Variants in CEP85L observed in about 807,000 individuals in gnomAD.
The protein encoded by CEP85L is centrosomal protein 85L.
In CEP85L, 60 loss-of-function variants were observed where a neutral mutation model predicts 100.3. The observed-to-expected ratio is 0.60, with a 90% CI of 0.49 to 0.74. The LOEUF (loss-of-function observed/expected upper bound fraction) is 0.74, where lower values mean the gene tolerates loss of function less well. CEP85L is among the 30% of genes least tolerant of loss of function. CEP85L has a pLI of 0.00. For missense variants in CEP85L, 973 were observed against 936.2 expected, an observed-to-expected ratio of 1.04 and a Z score of -0.51; for synonymous variants, 319 against 322.7, an observed-to-expected ratio of 0.99 and a Z score of 0.12.
chr6:118,641,688 G>T (rs1219732267), intron 1 of CEP85L, among the ~76,000 whole-genome samples: 17 of 152,072 alleles, frequency 1.1e-4, no homozygotes. Context: ...TCACAAAATG[G>T]ATTTGTGGCT....
chr6:118,566,497 A>C (rs997092437), intron 2 of CEP85L, among the ~76,000 whole-genome samples, 181 bp from the exon 3 acceptor site: 3 of 152,062 alleles, frequency 2.0e-5, no homozygotes, highest in Non-Finnish European at 2.9e-5. Context: ...GGCTCACCGC[A>C]ATCTCTGCCT....
chr6:118,565,360 G>T (rs1361307865), intron 3 of CEP85L, 169 bp downstream of exon 3: 1 of 649,762 alleles, frequency 1.5e-6, no homozygotes, highest in Non-Finnish European at 2.6e-6. Flanking sequence ...CAAATGCTTT[G>T]CAAGTTTATC....
intron 1 of CEP85L, among the ~76,000 whole-genome samples, chr6:118,679,670 G>C (rs1776589655): frequency 1.3e-5 from 2 of 152,088 alleles, no homozygotes; most frequent in Non-Finnish European, 2.9e-5. Flanking sequence ...ATGTTCGGTG[G>C]GCCTATAGGA....
At chr6:118,524,466 A>T (rs769734336) in intron 3 of CEP85L, among the ~76,000 whole-genome samples, 3 of 151,722 alleles carry the variant, frequency 2.0e-5, no homozygotes. Flanking sequence ...AACAAACAAA[A>T]CCATATAAGA....
At chr6:118,549,839 T>C (rs536522757) in intron 3 of CEP85L, among the ~76,000 whole-genome samples, 139 of 152,030 alleles carry the variant, frequency 9.1e-4, no homozygotes, top group African/African-American at 3.3e-3. Flanking sequence ...CACATACTTC[T>C]GGATAGAGCA....
chr6:118,469,418 T>G, intron 11 of CEP85L, 115 bp from the exon 12 acceptor site: 1 of 724,128 alleles, frequency 1.4e-6, no homozygotes, highest in Non-Finnish European at 2.3e-6. Flanking sequence ...AGTCATATTA[T>G]ATGCACATTA....
chr6:118,514,122 T>C (rs1776127978), intron 4 of CEP85L, among the ~76,000 whole-genome samples: 1 of 152,078 alleles, frequency 6.6e-6, no homozygotes, highest in African/African-American at 2.4e-5. Flanking sequence ...ATTATAACAA[T>C]AGAGGTATAG....
At chr6:118,694,373 G>T (rs1777138555) in intron 1 of CEP85L, among the ~76,000 whole-genome samples, 2 of 151,864 alleles carry the variant, frequency 1.3e-5, no homozygotes, top group Non-Finnish European at 2.9e-5. Flanking sequence ...AAAAATAAAA[G>T]GAAAATTAGT....
At chr6:118,646,034 C>T (rs367760249) in intron 1 of CEP85L, among the ~76,000 whole-genome samples, 19 of 152,150 alleles carry the variant, frequency 1.2e-4, no homozygotes, top group African/African-American at 4.6e-4. Context: ...CTGGCCAATA[C>T]TGTGAAATCC....
At chr6:118,584,961 T>C (rs1341232017) in intron 2 of CEP85L, among the ~76,000 whole-genome samples, 1 of 152,196 alleles carries the variant, frequency 6.6e-6, no homozygotes, top group Admixed American at 6.5e-5. Context: ...AATCTGAGCA[T>C]GACTATGAAC....
At chr6:118,646,390 T>G (rs1429441763) in intron 1 of CEP85L, among the ~76,000 whole-genome samples, 2 of 151,914 alleles carry the variant, frequency 1.3e-5, no homozygotes, top group African/African-American at 2.4e-5. Flanking sequence ...AAAAATTGGC[T>G]GGGTGCAGTG....
At chr6:118,515,981 T>C (rs1009601954) in intron 4 of CEP85L, among the ~76,000 whole-genome samples, 2 of 152,194 alleles carry the variant, frequency 1.3e-5, no homozygotes, top group African/African-American at 4.8e-5. Flanking sequence ...CTCCCACTTA[T>C]GAGTGAGAAC....
At chr6:118,559,416 C>G (rs1417971488) in intron 3 of CEP85L, 8 of 340,730 alleles carry the variant, frequency 2.3e-5, no homozygotes, top group Non-Finnish European at 3.5e-5. Context: ...CCAACAAGTT[C>G]ACTTCATATA....
intron 2 of CEP85L, among the ~76,000 whole-genome samples, chr6:118,601,842 G>A (rs185947696): frequency 9.9e-5 from 15 of 152,224 alleles, no homozygotes; most frequent in Non-Finnish European, 1.5e-4. Context: ...TCGCCATTTT[G>A]GTTTTGGTAG....
chr6:118,567,736 T>C (rs1442399486), intron 2 of CEP85L, among the ~76,000 whole-genome samples: 3 of 152,182 alleles, frequency 2.0e-5, no homozygotes, highest in Non-Finnish European at 4.4e-5. Context: ...GAAAAAGTTA[T>C]GTTGATAAAG....
Position 118,566,224 on chromosome 6 carries a change from C to G in CEP85L, c.325G>C (p.Ala109Pro). Residue 109 changes from alanine to proline, a missense_variant, in exon 3 of 13, where the codon GCT becomes CCT. Around this residue, in one of 3 missense-constraint regions of CEP85L, gnomAD observed 890 missense variants for 844.5 expected, o/e 1.05. Coordinates refer to ENST00000368491, the MANE Select transcript of CEP85L (RefSeq NM_001042475.3). ...TAHVMPSNSS[A>P]SISKLRESLT... The stretch of plus-strand genomic sequence containing the variant: ...GATTCCCTAAGTTTGGAAATTGAAG[C>G]GCTGGAATTAGACGGCATCACATGG... 2 of 1,613,990 alleles carry G rather than the reference C, an allele frequency of 1.2e-6. No homozygotes were observed. The highest frequency in any genetic ancestry group is 1.7e-6 in the Non-Finnish European group (2 of 1,179,960).
intron 2 of CEP85L, among the ~76,000 whole-genome samples, chr6:118,570,313 T>TA (rs1048115748): frequency 7.2e-5 from 11 of 152,200 alleles, no homozygotes; most frequent in Admixed American, 5.9e-4. Context: ...CAAAAGAGTT[T>TA]AAAATACTTC....
At chr6:118,663,083 C>T (rs1000974107) in intron 1 of CEP85L, among the ~76,000 whole-genome samples, 3 of 151,558 alleles carry the variant, frequency 2.0e-5, no homozygotes, top group Non-Finnish European at 4.4e-5. Context: ...AGTCATCCTA[C>T]TTCATTTATA....
chr6:118,567,231 GTGTGTGTGTGTGTGTGTGTATA>G (rs1472277731), intron 2 of CEP85L, among the ~76,000 whole-genome samples: 138 of 81,900 alleles, frequency 1.7e-3, no homozygotes, highest in African/African-American at 2.7e-3. Context: ...GTGTGTGTGT[GTGTGTGTGTGTGTGTGTGTATA>G]TATATATATA....
Sources: gnomAD v4.1 joint callset for allele counts (sites outside exome capture counted in the v4.1 genomes callset) on GRCh38, gnomAD v4.1.1 for gene constraint, gnomAD v4.1.1 regional missense constraint, MANE v1.5 for transcripts, NCBI Gene and HGNC (gene_info 2026-07-23, HGNC 2026-07-21) for gene names.